SLC38A9: variants seen among roughly 807,000 people sequenced by gnomAD.
SLC38A9 encodes the protein solute carrier family 38 member 9, also known as neutral amino acid transporter 9.
A neutral mutation model predicts 62.3 loss-of-function variants in SLC38A9; 48 were observed. That is an observed-to-expected ratio of 0.77 (90% CI 0.61 to 0.98). SLC38A9 has a LOEUF of 0.98. SLC38A9 is among the 50% of genes least tolerant of loss of function. SLC38A9 has a pLI of 0.00. For missense variants in SLC38A9, 541 were observed against 679.8 expected, an observed-to-expected ratio of 0.80 and a Z score of 2.27; for synonymous variants, 204 against 227.7, an observed-to-expected ratio of 0.90 and a Z score of 0.94.
chr5:55,658,565 A>G (rs550958123), intron 8 of SLC38A9, among the ~76,000 whole-genome samples: 4 of 152,344 alleles, frequency 2.6e-5, no homozygotes, highest in Middle Eastern at 3.4e-3. Flanking sequence ...AATGCCAAGG[A>G]CCACCAGCAA....
chr5:55,627,172 T>G (rs947291815), intron 15 of SLC38A9, among the ~76,000 whole-genome samples: 4 of 152,288 alleles, frequency 2.6e-5, no homozygotes, highest in African/African-American at 7.2e-5. Flanking sequence ...ACTTGGGTTT[T>G]CTTGAGGAAC....
At chr5:55,684,515 C>T (rs1185992926) in intron 3 of SLC38A9, among the ~76,000 whole-genome samples, 1 of 152,200 alleles carries the variant, frequency 6.6e-6, no homozygotes, top group African/African-American at 2.4e-5. Context: ...AATTCATTCA[C>T]ATTTCTAGGC....
chr5:55,705,207 T>C (rs1219744195), intron 2 of SLC38A9, among the ~76,000 whole-genome samples: 6 of 151,994 alleles, frequency 3.9e-5, no homozygotes, highest in African/African-American at 1.4e-4. Flanking sequence ...CTTTATATAA[T>C]AGAATTATTG....
At chr5:55,654,249 C>G (rs904388589) in intron 9 of SLC38A9, among the ~76,000 whole-genome samples, 1 of 152,172 alleles carries the variant, frequency 6.6e-6, no homozygotes, top group Admixed American at 6.5e-5. Context: ...CCTTCTTAGT[C>G]AACATTTTAG....
At chr5:55,686,341 T>C (rs1753816494) in intron 3 of SLC38A9, among the ~76,000 whole-genome samples, 1 of 152,234 alleles carries the variant, frequency 6.6e-6, no homozygotes, top group Non-Finnish European at 1.5e-5. Flanking sequence ...AGATGGTATT[T>C]CATTGTGGTT....
intron 14 of SLC38A9, among the ~76,000 whole-genome samples, chr5:55,632,402 C>G (rs532967228): frequency 1.1e-4 from 16 of 152,318 alleles, no homozygotes; most frequent in Middle Eastern, 3.4e-3. Context: ...CGCGCCACTG[C>G]ACTCCAGCCT....
intron 3 of SLC38A9, among the ~76,000 whole-genome samples, chr5:55,679,865 C>T (rs1752739407): frequency 6.6e-6 from 1 of 152,188 alleles, no homozygotes; most frequent in Non-Finnish European, 1.5e-5. Flanking sequence ...GCAGCTTCTC[C>T]TTTTATCCAC....
At chr5:55,680,596 G>GA (rs35999490) in intron 3 of SLC38A9, among the ~76,000 whole-genome samples, 91,209 of 152,064 alleles carry the variant, frequency 0.6, 27,940 homozygotes, top group South Asian at 0.7. Context: ...TCAGCTTCCA[G>GA]ATTGTGAGAA....
chr5:55,709,656 T>C (rs948265089), intron 2 of SLC38A9, among the ~76,000 whole-genome samples: 1 of 152,198 alleles, frequency 6.6e-6, no homozygotes, highest in Non-Finnish European at 1.5e-5. Context: ...TCCATCCTCC[T>C]ATGCTGAGTT....
chr5:55,655,171 T>C (rs999007403), intron 9 of SLC38A9, among the ~76,000 whole-genome samples: 6 of 152,160 alleles, frequency 3.9e-5, no homozygotes, highest in African/African-American at 1.2e-4. Flanking sequence ...TGAAATGGAT[T>C]GTTTCATACT....
intron 8 of SLC38A9, among the ~76,000 whole-genome samples, chr5:55,660,067 C>T (rs1015505732): frequency 1.3e-5 from 2 of 150,032 alleles, no homozygotes; most frequent in African/African-American, 4.9e-5. Context: ...CGCCCGGCTA[C>T]AAAATTTTTA....
intron 3 of SLC38A9, among the ~76,000 whole-genome samples, chr5:55,677,934 G>GTGTGTGTGTGTGTGTGTA (rs1752378779): frequency 1.4e-5 from 2 of 145,694 alleles, no homozygotes; most frequent in Non-Finnish European, 3.0e-5. Context: ...TATTGTGTGT[G>GTGTGTGTGTGTGTGTGTA]TGTGTGTGTG....
In SLC38A9 at chr5:55,687,330, G is replaced by A. The variant is rs536468238; in HGVS notation, c.113+10516C>T. Among the ~76,000 whole-genome samples the A allele has an allele frequency of 2.7e-4, 40 of 148,072 alleles. No individual in the cohort carries two copies. The East Asian group carries it at 8.0e-3, about 30-fold the overall frequency. On this transcript the variant is annotated intron_variant, in intron 3 of 15. Coordinates refer to ENST00000396865, the MANE Select transcript of SLC38A9 (RefSeq NM_173514.4). The stretch of plus-strand genomic sequence containing the variant: ...TGGTCCCAGCTACTCGGGAGGCTGA[G>A]GCAGGAGAATGGCGTGAACCCGGAA...
At position 55,663,631 on chromosome 5, in the gene SLC38A9, G is replaced by A. The variant is rs577565109; in HGVS notation, c.697+1062C>T. Among the ~76,000 whole-genome samples the A allele has an allele frequency of 2.2e-4, 33 of 152,120 alleles. No homozygotes were observed. The South Asian group carries it at 5.6e-3, about 26-fold the overall frequency. On this transcript the variant is annotated intron_variant, in intron 8 of 15. Transcript: ENST00000396865. ...GCCTGTAATCCCAGCTACTCGGAAG[G>A]CCGAAGCAGGAGAATCACTTGAACC...
intron 2 of SLC38A9, among the ~76,000 whole-genome samples, chr5:55,709,414 C>G (rs1336147896): frequency 6.6e-6 from 1 of 151,436 alleles, no homozygotes; most frequent in Non-Finnish European, 1.5e-5. Context: ...CCCATATATA[C>G]TTTTTAAAAA....
chr5:55,711,696 C>G (rs762700290), intron 1 of SLC38A9, among the ~76,000 whole-genome samples, 197 bp from the exon 2 acceptor site: 7 of 152,136 alleles, frequency 4.6e-5, no homozygotes, highest in Non-Finnish European at 8.8e-5. Context: ...GGGGGTTCCT[C>G]CCTCATGTTC....
intron 3 of SLC38A9, among the ~76,000 whole-genome samples, chr5:55,695,432 G>A (rs569491506): frequency 2.3e-5 from 2 of 88,794 alleles, no homozygotes; most frequent in African/African-American, 6.9e-5. Flanking sequence ...CAGCGGTTGT[G>A]TCCCTGGGTA....
chr5:55,637,124 T>C (rs1464181799), intron 12 of SLC38A9, among the ~76,000 whole-genome samples: 1 of 152,180 alleles, frequency 6.6e-6, no homozygotes, highest in African/African-American at 2.4e-5. Flanking sequence ...AGAGGTAGCC[T>C]TGTAAAAAAA....
chr5:55,639,121 A>G (rs879332156), intron 12 of SLC38A9, among the ~76,000 whole-genome samples: 5 of 152,194 alleles, frequency 3.3e-5, no homozygotes, highest in Admixed American at 2.6e-4. Flanking sequence ...TAAAAATACA[A>G]AAGTAGCCAG....
Sources: gnomAD v4.1 joint callset for allele counts (sites outside exome capture counted in the v4.1 genomes callset) on GRCh38, gnomAD v4.1.1 for gene constraint, MANE v1.5 for transcripts, NCBI Gene and HGNC (gene_info 2026-07-23, HGNC 2026-07-21) for gene names.